Variants in ADGRL2 observed in about 807,000 individuals in gnomAD.
ADGRL2 encodes the protein adhesion G protein-coupled receptor L2, also known as calcium-independent alpha-latrotoxin receptor 2.
In ADGRL2, 44 loss-of-function variants were observed where a neutral mutation model predicts 157.4. That is an observed-to-expected ratio of 0.28 (90% confidence interval 0.22 to 0.36). ADGRL2 has a LOEUF of 0.36. Ranked by LOEUF, ADGRL2 falls within the 10% of genes least tolerant of loss-of-function variation. The pLI is 1.00. For synonymous variants in ADGRL2, 585 were observed against 624.7 expected (o/e 0.94, Z 0.95); for missense variants, 1,510 against 1,768.9 (o/e 0.85, Z 2.63).
At chr1:81,661,212 C>T (rs1185052010) in intron 3 of ADGRL2, among the ~76,000 whole-genome samples, 1 of 151,694 alleles carries the variant, frequency 6.6e-6, no homozygotes, top group Non-Finnish European at 1.5e-5. Flanking sequence ...TTTATTGTGC[C>T]CCTAGGAAAT....
At chr1:81,461,659 T>C (rs959663716) in intron 2 of ADGRL2, among the ~76,000 whole-genome samples, 5 of 152,218 alleles carry the variant, frequency 3.3e-5, no homozygotes, top group Admixed American at 1.3e-4. Context: ...TATCTATACA[T>C]ACTTCAGAGA....
intron 1 of ADGRL2, among the ~76,000 whole-genome samples, chr1:81,411,706 C>G (rs751901274): frequency 7.9e-5 from 12 of 151,962 alleles, no homozygotes; most frequent in Non-Finnish European, 1.2e-4. Flanking sequence ...CGGTGAAACC[C>G]CATCTCTACT....
Position 81,718,901 on chromosome 1 carries a change from A to G in ADGRL2, c.-143+19093A>G, listed in dbSNP as rs562604580. Among the ~76,000 whole-genome samples, 54 of 152,360 alleles carry G rather than the reference A, an allele frequency of 3.5e-4. 1 individual carries two copies. The highest frequency in any genetic ancestry group is 1.3e-3 in the African/African-American group (52 of 41,586). Reference sequence around the variant, plus strand: ...AACAGCCTCAGAAATTAGCCCCAAAACAATTATCTTGGTTTAGCTATGGAA... The same window carrying G: ...AACAGCCTCAGAAATTAGCCCCAAAGCAATTATCTTGGTTTAGCTATGGAA... On this transcript the variant is annotated intron_variant, in intron 1 of 20. Coordinates refer to the ADGRL2 transcript ENST00000359929.
intron 3 of ADGRL2, among the ~76,000 whole-genome samples, chr1:81,921,625 A>G (rs1005344046): frequency 5.9e-5 from 9 of 152,226 alleles, no homozygotes; most frequent in Admixed American, 5.2e-4. Context: ...TGAGTCTAAC[A>G]TTTTATAGAT....
At chr1:81,722,911 T>C in intron 1 of ADGRL2, 2 of 732,790 alleles carry the variant, frequency 2.7e-6, no homozygotes, top group South Asian at 2.8e-5. Context: ...TCAATGAAAT[T>C]CTTAGTGATC....
intron 2 of ADGRL2, among the ~76,000 whole-genome samples, chr1:81,576,610 G>A (rs761829769): frequency 1.3e-5 from 2 of 152,092 alleles, no homozygotes; most frequent in East Asian, 3.9e-4. Context: ...TGCCAAAAAT[G>A]TGGTGGAATG....
At position 81,907,045 on chromosome 1, in the gene ADGRL2, G is replaced by A. The variant is rs1286407630; in HGVS notation, c.102G>A (p.Gly34=). The A allele has an allele frequency of 6.8e-6, 11 of 1,613,712 alleles. No homozygotes were observed. The highest frequency in any genetic ancestry group is 4.0e-5 in the African/African-American group (3 of 74,864). ...EGFSRAALPF[G]LVRRELSCEG... is the part of the protein sequence containing the mutation. ...TCAGCAGAGCAGCTTTACCATTTGGGCTGGTGAGGCGAGAATTATCCTGTG... is the reference window on the plus strand; with the variant it reads ...TCAGCAGAGCAGCTTTACCATTTGGACTGGTGAGGCGAGAATTATCCTGTG... Residue 34 remains glycine (G), a synonymous_variant, in exon 3 of 24, where the codon GGG becomes GGA. Transcript: ENST00000686636.
intron 2 of ADGRL2, among the ~76,000 whole-genome samples, chr1:81,490,222 C>A (rs1468966610): frequency 6.6e-6 from 1 of 151,630 alleles, no homozygotes; most frequent in Non-Finnish European, 1.5e-5. Context: ...ACCTCCACCT[C>A]CTTGGTTCAG....
intron 1 of ADGRL2, among the ~76,000 whole-genome samples, chr1:81,834,033 C>T (rs2092126520): frequency 1.3e-5 from 2 of 152,034 alleles, no homozygotes; most frequent in Non-Finnish European, 1.5e-5. Context: ...GTAGGTTGTA[C>T]GTTAGAAGTG....
chr1:81,849,400 T>G (rs2092919135), intron 2 of ADGRL2, among the ~76,000 whole-genome samples: 1 of 151,964 alleles, frequency 6.6e-6, no homozygotes, highest in Non-Finnish European at 1.5e-5. Context: ...GCTGACTATT[T>G]GAATTAACTT....
chr1:81,907,084 A>T lies in ADGRL2; in HGVS notation c.141A>T (p.Ile47=). The part of the protein sequence containing the change: ...RRELSCEGYS[I]DLRCPGSDVI... ...AATTATCCTGTGAAGGTTATTCTAT[A>T]GATCTGCGATGCCCGGGCAGTGATG... is the stretch of plus-strand genomic sequence containing the variant. Residue 47 remains isoleucine (I), a synonymous_variant, in exon 3 of 24, where the codon ATA becomes ATT. Coordinates refer to ENST00000686636, the MANE Select transcript of ADGRL2 (RefSeq NM_001366006.2). 5.0e-6 allele frequency: 8 copies of T among 1,614,126 alleles called. No homozygotes were observed. Among genetic ancestry groups the T allele is most frequent in the Non-Finnish European group, 6.8e-6 (8 of 1,180,002 alleles).
intron 1 of ADGRL2, among the ~76,000 whole-genome samples, chr1:81,715,064 A>C (rs928627337): frequency 6.6e-6 from 1 of 151,990 alleles, no homozygotes; most frequent in Admixed American, 6.5e-5. Context: ...GTAGATTTAC[A>C]TAAAGTTAAG....
intron 1 of ADGRL2, among the ~76,000 whole-genome samples, chr1:81,402,656 T>C (rs2076777904): frequency 6.6e-6 from 1 of 152,252 alleles, no homozygotes; most frequent in Admixed American, 6.5e-5. Context: ...CAGGTTTCTC[T>C]TAAGTTGACC....
intron 1 of ADGRL2, among the ~76,000 whole-genome samples, chr1:81,355,530 CA>C (rs1453234727): frequency 6.6e-6 from 1 of 151,986 alleles, no homozygotes; most frequent in Non-Finnish European, 1.5e-5. Context: ...ATTAATGGCA[CA>C]AAAAGTAAGT....
chr1:81,789,372 T>C (rs909554997), intron 2 of ADGRL2, among the ~76,000 whole-genome samples: 1 of 152,202 alleles, frequency 6.6e-6, no homozygotes, highest in African/African-American at 2.4e-5. Context: ...TAAAATGATG[T>C]TTAGTATAAT....
intron 2 of ADGRL2, among the ~76,000 whole-genome samples, chr1:81,857,849 T>C (rs111409594): frequency 0.023 from 3,484 of 152,280 alleles, 140 homozygotes; most frequent in African/African-American, 0.079. Context: ...CTTAATGATA[T>C]TATTAATATA....
chr1:81,832,884 A>G (rs1204656255), intron 1 of ADGRL2, among the ~76,000 whole-genome samples: 3 of 152,230 alleles, frequency 2.0e-5, no homozygotes, highest in African/African-American at 7.2e-5. Context: ...CTCTGATGTT[A>G]AGAAGGGGAA....
At chr1:81,378,177 C>CA (rs71088208) in intron 1 of ADGRL2, among the ~76,000 whole-genome samples, 96 of 146,288 alleles carry the variant, frequency 6.6e-4, no homozygotes, top group Middle Eastern at 3.6e-3. Context: ...GACTCTGTCT[C>CA]AAAAAAAAAA....
chr1:81,968,300 A>AG, intron 14 of ADGRL2, 101 bp downstream of exon 14: 1 of 967,534 alleles, frequency 1.0e-6, no homozygotes, highest in Non-Finnish European at 1.6e-6. Flanking sequence ...GTAACTAAAA[A>AG]GCAAACAAAG....
Sources: allele counts gnomAD v4.1 joint callset (sites outside exome capture counted in the v4.1 genomes callset), GRCh38; gene constraint gnomAD v4.1.1; transcripts MANE v1.5; gene names NCBI Gene and HGNC (gene_info 2026-07-23, HGNC 2026-07-21).